CLVS1: variants seen among roughly 807,000 people sequenced by gnomAD.
CLVS1 encodes clavesin 1, also known as clavesin-1.
In CLVS1, 10 loss-of-function variants were observed where a neutral mutation model predicts 33.1. That is an observed-to-expected ratio of 0.30 (90% CI 0.19 to 0.51). The LOEUF (loss-of-function observed/expected upper bound fraction) is 0.51. Among genes scored for constraint, CLVS1 ranks in the 20% least tolerant of loss-of-function variants. The pLI is 0.97. For missense variants in CLVS1, 343 were observed against 433.4 expected (o/e 0.79, Z 1.85); for synonymous variants, 163 against 166.1 (o/e 0.98, Z 0.14).
the CLVS1 span, among the ~76,000 whole-genome samples, chr8:61,003,382 T>G: frequency 6.6e-6 from 1 of 152,170 alleles, no homozygotes; most frequent in Non-Finnish European, 1.5e-5. Flanking sequence ...GCTCACCACC[T>G]TTGGCCTGTC....
intron 3 of CLVS1, among the ~76,000 whole-genome samples, chr8:61,409,343 C>A (rs1199670116): frequency 6.6e-6 from 1 of 152,024 alleles, no homozygotes; most frequent in Non-Finnish European, 1.5e-5. Flanking sequence ...TGTTATTTCT[C>A]CTCTTTTTTA....
At chr8:61,430,931 G>A (rs1816089165) in intron 3 of CLVS1, among the ~76,000 whole-genome samples, 2 of 152,156 alleles carry the variant, frequency 1.3e-5, no homozygotes, top group Non-Finnish European at 2.9e-5. Flanking sequence ...GGCAAGCTGG[G>A]TGAAATATGA....
chr8:61,272,575 A>G (rs1164300912), intron 2 of CLVS1, among the ~76,000 whole-genome samples: 1 of 152,190 alleles, frequency 6.6e-6, no homozygotes, highest in Non-Finnish European at 1.5e-5. Context: ...CCTGGATAAT[A>G]TCCTGCAGAG....
intron 2 of CLVS1, among the ~76,000 whole-genome samples, chr8:61,326,366 T>C (rs1217796873): frequency 6.6e-6 from 1 of 152,186 alleles, no homozygotes; most frequent in Non-Finnish European, 1.5e-5. Flanking sequence ...CAGCTGTTAG[T>C]TGAGCTTAGC....
chr8:61,004,225 A>G, the CLVS1 span, among the ~76,000 whole-genome samples: 1 of 152,236 alleles, frequency 6.6e-6, no homozygotes, highest in Non-Finnish European at 1.5e-5. Flanking sequence ...GGGTGTTTCA[A>G]TGTTAGCGGA....
the CLVS1 span, among the ~76,000 whole-genome samples, chr8:61,039,649 T>C: frequency 6.6e-6 from 1 of 152,172 alleles, no homozygotes; most frequent in Non-Finnish European, 1.5e-5. Flanking sequence ...CAAGTGATCC[T>C]CCTGCCTCAG....
intron 3 of CLVS1, among the ~76,000 whole-genome samples, chr8:61,395,783 A>G (rs1814501279): frequency 6.6e-6 from 1 of 151,848 alleles, no homozygotes; most frequent in Non-Finnish European, 1.5e-5. Flanking sequence ...TTCTTATACA[A>G]ATTCTCAATG....
At chr8:61,249,752 T>G (rs1276157665) in intron 2 of CLVS1, among the ~76,000 whole-genome samples, 1 of 152,196 alleles carries the variant, frequency 6.6e-6, no homozygotes, top group Non-Finnish European at 1.5e-5. Flanking sequence ...CTTTGCCCAG[T>G]TTTTGATGGG....
intron 2 of CLVS1, among the ~76,000 whole-genome samples, chr8:61,207,555 C>T (rs1231370500): frequency 6.6e-6 from 1 of 152,166 alleles, no homozygotes; most frequent in Non-Finnish European, 1.5e-5. Context: ...ATTCTTGTGA[C>T]CAATATATAT....
chr8:61,272,910 A>T (rs1809476924), intron 2 of CLVS1, among the ~76,000 whole-genome samples: 1 of 150,434 alleles, frequency 6.6e-6, no homozygotes, highest in African/African-American at 2.4e-5. Context: ...TTTTTTTCAA[A>T]GTTTTCAACT....
the CLVS1 span, among the ~76,000 whole-genome samples, chr8:61,047,283 C>T: frequency 0.011 from 1,712 of 152,194 alleles, 20 homozygotes; most frequent in Middle Eastern, 0.037. Flanking sequence ...GTTAGAATGG[C>T]GACCATTAAA....
intron 1 of CLVS1, among the ~76,000 whole-genome samples, chr8:61,113,714 C>G (rs913224167): frequency 9.2e-5 from 14 of 152,236 alleles, no homozygotes; most frequent in Non-Finnish European, 1.5e-5. Context: ...CCTGCACTGA[C>G]ACCCGCCCAT....
chr8:61,328,189 A>G (rs773314790), intron 2 of CLVS1, among the ~76,000 whole-genome samples: 2 of 152,084 alleles, frequency 1.3e-5, no homozygotes, highest in African/African-American at 4.8e-5. Flanking sequence ...AGGGATTCCA[A>G]CTCAAATTCA....
the CLVS1 span, among the ~76,000 whole-genome samples, chr8:61,019,221 C>T: frequency 6.6e-6 from 1 of 152,234 alleles, no homozygotes; most frequent in Admixed American, 6.5e-5. Context: ...CTTCTCCCAT[C>T]GTAAAGATTC....
the CLVS1 span, among the ~76,000 whole-genome samples, chr8:60,988,109 C>T: frequency 6.6e-6 from 1 of 152,026 alleles, no homozygotes; most frequent in African/African-American, 2.4e-5. Context: ...GTGTGGCTGT[C>T]CCCTCACTGA....
intron 1 of CLVS1, among the ~76,000 whole-genome samples, chr8:61,080,971 G>A (rs1255757665): frequency 6.6e-6 from 1 of 152,194 alleles, no homozygotes; most frequent in Non-Finnish European, 1.5e-5. Context: ...GAACTGAAAT[G>A]ATAACACAAA....
intron 2 of CLVS1, among the ~76,000 whole-genome samples, chr8:61,236,687 T>C (rs1207488611): frequency 1.3e-5 from 2 of 152,180 alleles, no homozygotes; most frequent in Non-Finnish European, 2.9e-5. Flanking sequence ...AGGGCCTAGA[T>C]TCAGCTGGGC....
intron 1 of CLVS1, among the ~76,000 whole-genome samples, chr8:61,120,845 C>T (rs2129289671): frequency 6.8e-6 from 1 of 148,032 alleles, no homozygotes; most frequent in Non-Finnish European, 1.5e-5. Context: ...TGCCCTGCCC[C>T]CAGAGGTGGA....
chr8:61,006,819 C>G, the CLVS1 span, among the ~76,000 whole-genome samples: 1 of 152,166 alleles, frequency 6.6e-6, no homozygotes, highest in Non-Finnish European at 1.5e-5. Context: ...GTGCTGCTAA[C>G]TACAGAATGT....
Sources: allele counts gnomAD v4.1 joint callset (sites outside exome capture counted in the v4.1 genomes callset), GRCh38; gene constraint gnomAD v4.1.1; transcripts MANE v1.5; gene names NCBI Gene and HGNC (gene_info 2026-07-23, HGNC 2026-07-21).